VEGFD: variants seen among roughly 807,000 people sequenced by gnomAD.
The protein encoded by VEGFD is c-fos induced growth factor (vascular endothelial growth factor D).
In VEGFD, 26 loss-of-function variants were observed where a neutral mutation model predicts 28.0. The ratio of observed to expected loss-of-function variants is 0.93; its 90% CI spans 0.68 to 1.29. The LOEUF (loss-of-function observed/expected upper bound fraction) is 1.29, where lower values mean the gene tolerates loss of function less well. Ranked by LOEUF, VEGFD falls within the 50% of genes most tolerant of loss-of-function variation. VEGFD has a pLI of 0.00. For synonymous variants in VEGFD, 93 were observed against 95.5 expected (o/e 0.97, Z 0.15); for missense variants, 294 against 273.4 (o/e 1.08, Z -0.53).
chrX:15,357,072 G>A (rs916940495), intron 3 of VEGFD, among the ~76,000 whole-genome samples: 12 of 111,927 alleles, frequency 1.1e-4, no homozygotes, highest in Middle Eastern at 4.6e-3. Context: ...AAATAATGTA[G>A]TTTGATGTAC....
chrX:15,383,389 G>A (rs1464563428), intron 1 of VEGFD, among the ~76,000 whole-genome samples: 1 of 112,101 alleles, frequency 8.9e-6, no homozygotes, highest in Non-Finnish European at 1.9e-5. Context: ...GGCAGCAATT[G>A]GTAATTTGCA....
At chrX:15,363,851 A>G (rs1457827235) in intron 1 of VEGFD, among the ~76,000 whole-genome samples, 1 of 112,210 alleles carries the variant, frequency 8.9e-6, no homozygotes, top group East Asian at 2.8e-4. Flanking sequence ...TAGAGCCATC[A>G]GAAGCTGGAT....
rs1569182360 is a variant in VEGFD, at chrX:15,346,132, A to G, written c.*1T>C. ...AGGGATGGGGAACTTGGAACGCTGAATCAAGGATTCTTTCGGCTGTGGGGC... is the reference window on the plus strand; with the variant it reads ...AGGGATGGGGAACTTGGAACGCTGAGTCAAGGATTCTTTCGGCTGTGGGGC... On this transcript the variant is annotated 3_prime_UTR_variant, in exon 7 of 7. Transcript: ENST00000297904. The G allele has an allele frequency of 1.7e-6, 2 of 1,210,245 alleles. No individual in the cohort carries two copies. The highest frequency in any genetic ancestry group is 2.2e-6 in the Non-Finnish European group (2 of 894,902).
chrX:15,362,979 T>A, intron 2 of VEGFD, 130 bp downstream of exon 2: 1 of 515,190 alleles, frequency 1.9e-6, no homozygotes, highest in South Asian at 3.3e-5. Flanking sequence ...GCACTAATAC[T>A]GGAAATCAAA....
intron 6 of VEGFD, 151 bp downstream of exon 6, chrX:15,347,013 C>G: frequency 4.1e-6 from 2 of 493,286 alleles, no homozygotes; most frequent in Non-Finnish European, 7.0e-6. Flanking sequence ...TATACTCTTG[C>G]TTATTCCTTA....
chrX:15,354,566 T>C (rs770069007), intron 4 of VEGFD, among the ~76,000 whole-genome samples: 1 of 112,075 alleles, frequency 8.9e-6, no homozygotes, highest in South Asian at 3.7e-4. Flanking sequence ...TAAGTGATCC[T>C]TACCTTTGGT....
At chrX:15,350,711 C>A (rs1351170542) in intron 5 of VEGFD, among the ~76,000 whole-genome samples, 3 of 79,336 alleles carry the variant, frequency 3.8e-5, no homozygotes, top group Non-Finnish European at 7.7e-5. Flanking sequence ...CAGTAACTTA[C>A]TTTCTTTCTC....
At chrX:15,346,860 G>A (rs1288079501) in intron 6 of VEGFD, among the ~76,000 whole-genome samples, 4 of 110,679 alleles carry the variant, frequency 3.6e-5, no homozygotes, top group African/African-American at 1.3e-4. Context: ...GAACCAGAGA[G>A]ACGGAGGTTG....
intron 1 of VEGFD, among the ~76,000 whole-genome samples, chrX:15,366,999 G>C (rs1923163881): frequency 8.9e-6 from 1 of 112,313 alleles, no homozygotes; most frequent in Non-Finnish European, 1.9e-5. Context: ...ATGTGAGTGT[G>C]TGTCTGTGGG....
chrX:15,366,253 A>C (rs985798162), intron 1 of VEGFD, among the ~76,000 whole-genome samples: 2 of 111,283 alleles, frequency 1.8e-5, no homozygotes, highest in Non-Finnish European at 3.8e-5. Flanking sequence ...TTTGTGATCC[A>C]CCCACCTCGG....
chrX:15,358,449 T>G (rs1379731917), intron 2 of VEGFD, among the ~76,000 whole-genome samples: 2 of 112,068 alleles, frequency 1.8e-5, no homozygotes, highest in East Asian at 5.5e-4. Flanking sequence ...TAGAACACCA[T>G]GTCCTGTACA....
At chrX:15,365,918 C>T (rs927388099) in intron 1 of VEGFD, among the ~76,000 whole-genome samples, 1 of 111,745 alleles carries the variant, frequency 8.9e-6, no homozygotes, top group Non-Finnish European at 1.9e-5. Context: ...TTTCAATCAC[C>T]GTATTTCTAA....
chrX:15,353,010 G>GGAAGTA (rs1330581058), intron 5 of VEGFD, 58 bp downstream of exon 5: 56 of 628,655 alleles, frequency 8.9e-5, no homozygotes, highest in Non-Finnish European at 2.0e-5. Flanking sequence ...AATAACGGTT[G>GGAAGTA]CTGCTATTGT....
At chrX:15,370,635 C>A (rs192068714) in intron 1 of VEGFD, among the ~76,000 whole-genome samples, 1 of 111,641 alleles carries the variant, frequency 9.0e-6, no homozygotes, top group East Asian at 2.8e-4. Context: ...TGACAAATAG[C>A]AATTGGGCCC....
chrX:15,345,976 C>T lies in VEGFD; in HGVS notation c.*157G>A, dbSNP rs1922535220. 1.7e-6 allele frequency: 1 copy of T among 589,672 alleles called. No homozygotes were observed. Among genetic ancestry groups the T allele is most frequent in the East Asian group, 3.4e-5 (1 of 29,523 alleles). 48.6% of individuals were successfully genotyped at this position (589,672 alleles called of 1,213,427 possible). On this transcript the variant is annotated 3_prime_UTR_variant, in exon 7 of 7. Transcript: ENST00000297904. ...AAGACATCCATCAATGAACCAGGGA[C>T]TCCTTAGCTGGTGTGAATGGAAGGT...
chrX:15,381,873 C>G (rs1215829333), intron 1 of VEGFD, among the ~76,000 whole-genome samples: 3 of 18,005 alleles, frequency 1.7e-4, no homozygotes, highest in African/African-American at 8.8e-4. Context: ...CTGATATATT[C>G]TGAAAAAAAA....
At chrX:15,377,934 G>A (rs766094897) in intron 1 of VEGFD, among the ~76,000 whole-genome samples, 3 of 111,686 alleles carry the variant, frequency 2.7e-5, no homozygotes, top group East Asian at 2.8e-4. Flanking sequence ...CCAAGATTTC[G>A]GGGGTGTTTG....
At chrX:15,355,644 C>T (rs1922850122) in intron 3 of VEGFD, among the ~76,000 whole-genome samples, 1 of 112,361 alleles carries the variant, frequency 8.9e-6, no homozygotes, top group South Asian at 3.6e-4. Flanking sequence ...TTCATCCCTT[C>T]TCACACCATC....
chrX:15,347,742 G>A (rs1326335930), intron 5 of VEGFD, among the ~76,000 whole-genome samples: 1 of 111,941 alleles, frequency 8.9e-6, no homozygotes, highest in African/African-American at 3.2e-5. Flanking sequence ...AGATTAAAAG[G>A]AGAGACACAC....
Sources: allele counts gnomAD v4.1 joint callset (sites outside exome capture counted in the v4.1 genomes callset), GRCh38; gene constraint gnomAD v4.1.1; transcripts MANE v1.5; gene names NCBI Gene and HGNC (gene_info 2026-07-23, HGNC 2026-07-21).